MAP2K2: variants seen among roughly 807,000 people sequenced by gnomAD.
MAP2K2 encodes mitogen-activated protein kinase kinase 2, also known as dual specificity mitogen-activated protein kinase kinase 2.
A neutral mutation model predicts 43.7 loss-of-function variants in MAP2K2; 24 were observed. That is an observed-to-expected ratio of 0.55 (90% CI 0.40 to 0.77). The LOEUF (loss-of-function observed/expected upper bound fraction) is 0.77. MAP2K2 is among the 30% of genes least tolerant of loss of function. The pLI, the probability that MAP2K2 is intolerant of heterozygous loss-of-function variation, is 0.00. For synonymous variants in MAP2K2, 244 were observed against 239.7 expected (o/e 1.02, Z -0.17); for missense variants, 470 against 566.8 (o/e 0.83, Z 1.73).
chr19:4,122,935 C>T (rs577776796), intron 1 of MAP2K2, among the ~76,000 whole-genome samples: 12 of 151,618 alleles, frequency 7.9e-5, no homozygotes, highest in African/African-American at 1.5e-4. Flanking sequence ...TACTCAGGGA[C>T]CCCTCACCCC....
chr19:4,090,854 C>T (rs936182433), intron 10 of MAP2K2, 146 bp from the exon 11 acceptor site: 55 of 712,522 alleles, frequency 7.7e-5, no homozygotes, highest in East Asian at 4.6e-4. Flanking sequence ...AAGACGCACT[C>T]GGGGTAGGAG....
intron 9 of MAP2K2, 85 bp from the exon 10 acceptor site, chr19:4,094,583 T>C (rs1486580024): frequency 7.5e-7 from 1 of 1,338,928 alleles, no homozygotes; most frequent in African/African-American, 1.5e-5. Context: ...CACCCGCGTG[T>C]GGGCCGTGGT....
At chr19:4,094,596 G>A in intron 9 of MAP2K2, 98 bp from the exon 10 acceptor site, 1 of 1,164,002 alleles carries the variant, frequency 8.6e-7, no homozygotes, top group East Asian at 2.6e-5. Flanking sequence ...GCCGTGGTCG[G>A]AGGGGGCCTG....
At chr19:4,097,221 A>AG (rs1204887526) in intron 8 of MAP2K2, 58 bp downstream of exon 8, 9 of 1,227,988 alleles carry the variant, frequency 7.3e-6, no homozygotes, top group Non-Finnish European at 2.3e-6. Context: ...AAAAAAAAAA[A>AG]AAAAAAAGAA....
chr19:4,110,574 A>C lies in MAP2K2; in HGVS notation c.385T>G (p.Tyr129Asp), dbSNP rs2145069900. 1 of 1,614,032 alleles carries C rather than the reference A, an allele frequency of 6.2e-7. No individual in the cohort carries two copies. Among genetic ancestry groups the C allele is most frequent in the African/African-American group, 1.3e-5 (1 of 75,062 alleles). Residue 129 changes from tyrosine (Y) to aspartate (D), a missense_variant, in exon 3 of 11, where the codon TAC (tyrosine) becomes GAC (aspartate). Coordinates refer to ENST00000262948, the MANE Select transcript of MAP2K2 (RefSeq NM_030662.4). The part of the protein sequence containing the change: ...LQVLHECNSP[Y>D]IVGFYGAFYS... ...AAGGCCCCGTAGAAGCCCACGATGT[A>C]CGGCGAGTTGCATTCGTGCAGGACC...
Position 4,106,355 on chromosome 19 carries a change from CA to C in MAP2K2, c.451-3903del, listed in dbSNP as rs2041085846. ...GTACACTCCAGGCTGGACAACTGAG[CA>C]AGACCCTGACTTGAAAATACAATAA... On this transcript the variant is annotated intron_variant, in intron 3 of 10. Transcript: ENST00000262948. Among the ~76,000 whole-genome samples, 6 of 152,158 alleles carry C rather than the reference CA, an allele frequency of 3.9e-5. No individual in the cohort carries two copies. The South Asian group carries it at 1.2e-3, about 32-fold the overall frequency.
chr19:4,097,792 C>G (rs1213487505), intron 7 of MAP2K2, among the ~76,000 whole-genome samples: 1 of 152,054 alleles, frequency 6.6e-6, no homozygotes. Flanking sequence ...TGGCTGACCC[C>G]TGTCTGAGAA....
intron 3 of MAP2K2, chr19:4,102,688 T>C (rs1156662608): frequency 1.1e-5 from 12 of 1,133,596 alleles, no homozygotes; most frequent in Non-Finnish European, 1.5e-5. Flanking sequence ...CCGCCTCCCG[T>C]CCCATCCTCG....
chr19:4,119,039 A>T (rs1267122970), intron 1 of MAP2K2, among the ~76,000 whole-genome samples: 1 of 152,128 alleles, frequency 6.6e-6, no homozygotes, highest in African/African-American at 2.4e-5. Flanking sequence ...AGGTGAACTC[A>T]CTTCATTTAT....
intron 1 of MAP2K2, among the ~76,000 whole-genome samples, chr19:4,121,759 GCCC>G (rs1188574025): frequency 6.5e-5 from 3 of 46,080 alleles, no homozygotes; most frequent in South Asian, 1.5e-3. Flanking sequence ...CCCCGCTAAA[GCCC>G]CCCCATGTCC....
Position 4,101,817 on chromosome 19 carries a change from C to T in MAP2K2, c.529-537G>A, listed in dbSNP as rs1238018010. ...AAACGCGTGTCTGGCAGCATGCGTC[C>T]TGTGTCTTAATCCAACACTGGTATG... On this transcript the variant is annotated intron_variant, in intron 4 of 10. Transcript: ENST00000262948. The surrounding 1 kb of genome is among the most constrained non-coding windows in gnomAD (Gnocchi z 6.3). Among the ~76,000 whole-genome samples, 3 of 152,190 alleles carry T rather than the reference C, an allele frequency of 2.0e-5. No homozygotes were observed. The highest frequency in any genetic ancestry group is 7.2e-5 in the African/African-American group (3 of 41,436).
rs1397894267 is a variant in MAP2K2 at position 4,101,799 on chromosome 19, T to C, written c.529-519A>G. 1.3e-5 allele frequency among the ~76,000 whole-genome samples: 2 copies of C among 152,132 alleles called. No individual in the cohort carries two copies. Among genetic ancestry groups the C allele is most frequent in the Non-Finnish European group, 2.9e-5 (2 of 68,006 alleles). ...CGGCAGCTTTCAACTCGGAAACGCG[T>C]GTCTGGCAGCATGCGTCCTGTGTCT... is the stretch of plus-strand genomic sequence containing the variant. On this transcript the variant is annotated intron_variant, in intron 4 of 10. Coordinates refer to ENST00000262948, the MANE Select transcript of MAP2K2 (RefSeq NM_030662.4). This position sits in a 1 kb window ranked among gnomAD's most constrained non-coding sequence, Gnocchi z 6.3.
At chr19:4,102,262 C>T in intron 4 of MAP2K2, 114 bp downstream of exon 4, 2 of 905,842 alleles carry the variant, frequency 2.2e-6, no homozygotes, top group Non-Finnish European at 3.5e-6. Context: ...TCTCTTTCTG[C>T]AGGGGCCACC....
chr19:4,095,098 C>G, intron 9 of MAP2K2: 1 of 413,130 alleles, frequency 2.4e-6, no homozygotes, highest in Non-Finnish European at 4.5e-6. Flanking sequence ...GGTCCGGGGA[C>G]CAGACAGAGG....
At chr19:4,094,424 CG>C in intron 10 of MAP2K2, 28 bp downstream of exon 10, 2 of 1,552,462 alleles carry the variant, frequency 1.3e-6, no homozygotes, top group Non-Finnish European at 1.7e-6. Flanking sequence ...TGCACCCTCC[CG>C]GTCCCAGAAC....
intron 3 of MAP2K2, among the ~76,000 whole-genome samples, chr19:4,104,265 T>TAAA (rs565822542): frequency 5.1e-5 from 5 of 97,346 alleles, no homozygotes; most frequent in African/African-American, 1.6e-4. Context: ...ACTCCTCAAT[T>TAAA]AAAAAAAAAA....
At chr19:4,106,506 G>A (rs577057820) in intron 3 of MAP2K2, among the ~76,000 whole-genome samples, 23 of 152,278 alleles carry the variant, frequency 1.5e-4, no homozygotes, top group Non-Finnish European at 3.1e-4. Flanking sequence ...CCTCCCGGGT[G>A]CATGTGATTC....
rs1036321814 is a variant in MAP2K2, at chr19:4,101,542, A to G, written c.529-262T>C. 6.6e-6 allele frequency among the ~76,000 whole-genome samples: 1 copy of G among 152,120 alleles called. No homozygotes were observed. Among genetic ancestry groups the G allele is most frequent in the African/African-American group, 2.4e-5 (1 of 41,430 alleles). On this transcript the variant is annotated intron_variant, in intron 4 of 10. Coordinates refer to ENST00000262948, the MANE Select transcript of MAP2K2 (RefSeq NM_030662.4). This position sits in a 1 kb window ranked among gnomAD's most constrained non-coding sequence, Gnocchi z 6.3. Reference sequence around the variant, plus strand: ...GATGCCACTACTGCCTTTGATTCAGAGCACACGGCTTAGCCCCAGGGAAGC... The same window carrying G: ...GATGCCACTACTGCCTTTGATTCAGGGCACACGGCTTAGCCCCAGGGAAGC...
At chr19:4,110,978 C>A (rs1263038859) in intron 2 of MAP2K2, among the ~76,000 whole-genome samples, 1 of 152,200 alleles carries the variant, frequency 6.6e-6, no homozygotes, top group Non-Finnish European at 1.5e-5. Flanking sequence ...CAGGCCAAGA[C>A]CCCGGCCACA....
Sources: gnomAD v4.1 joint callset for allele counts (sites outside exome capture counted in the v4.1 genomes callset) on GRCh38, gnomAD v4.1.1 for gene constraint, Gnocchi (gnomAD v3.1) non-coding constraint, MANE v1.5 for transcripts, NCBI Gene and HGNC (gene_info 2026-07-23, HGNC 2026-07-21) for gene names.